TAS1R1: variants seen among roughly 807,000 people sequenced by gnomAD.
TAS1R1 encodes the protein taste receptor type 1 member 1.
In TAS1R1, 31 loss-of-function variants were observed where a neutral mutation model predicts 45.8. The ratio of observed to expected loss-of-function variants is 0.68; its 90% CI spans 0.51 to 0.91. TAS1R1 has a LOEUF of 0.91. Ranked by LOEUF, TAS1R1 falls within the 40% of genes least tolerant of loss-of-function variation. The pLI is 0.00. For synonymous variants in TAS1R1, 437 were observed against 448.4 expected, an observed-to-expected ratio of 0.97 and a Z score of 0.32; for missense variants, 1,051 against 1,063.9, an observed-to-expected ratio of 0.99 and a Z score of 0.17.
At position 6,579,099 on chromosome 1, in the gene TAS1R1, C is replaced by T. The variant is rs1431585693; in HGVS notation, c.2041C>T (p.Leu681=). ...HAWVQNHGAG[L]FVMISSAAQL... The stretch of plus-strand genomic sequence containing the variant: ...CTGGGTCCAAAACCACGGTGCTGGC[C>T]TGTTTGTGATGATCAGCTCAGCGGC... Residue 681 remains leucine, a synonymous_variant, in exon 6 of 6, where the codon CTG becomes TTG. Transcript: ENST00000333172. 4 of 1,614,198 alleles carry T rather than the reference C, an allele frequency of 2.5e-6. No individual in the cohort carries two copies. Among genetic ancestry groups the T allele is most frequent in the Non-Finnish European group, 3.4e-6 (4 of 1,180,032 alleles).
At chr1:6,564,732 T>C (rs1639846012) in intron 1 of TAS1R1, among the ~76,000 whole-genome samples, 2 of 152,166 alleles carry the variant, frequency 1.3e-5, no homozygotes, top group Non-Finnish European at 2.9e-5. Context: ...AGGGATGATA[T>C]CTGCTATAAG....
rs974402761 is a variant in TAS1R1 at position 6,570,903 on chromosome 1, C to G, written c.192-6C>G. On this transcript the variant is annotated splice_polypyrimidine_tract_variant and splice_region_variant and intron_variant, in intron 1 of 5. Transcript: ENST00000333172. Reference sequence around the variant, plus strand: ...CTCAGCTGTCTCTTACTGGCTTTCTCCACAGGTCTTGTAGCTTCAATGAGC... The same window carrying G: ...CTCAGCTGTCTCTTACTGGCTTTCTGCACAGGTCTTGTAGCTTCAATGAGC... 3.1e-6 allele frequency: 5 copies of G among 1,588,182 alleles called. No individual in the cohort carries two copies. The highest frequency in any genetic ancestry group is 4.3e-6 in the Non-Finnish European group (5 of 1,167,008).
chr1:6,578,415 C>G (rs1640246612), intron 5 of TAS1R1, among the ~76,000 whole-genome samples: 1 of 152,192 alleles, frequency 6.6e-6, no homozygotes, highest in African/African-American at 2.4e-5. Context: ...GTTTGCAAAA[C>G]CCTCATGGGA....
chr1:6,579,151 TGGTG>T lies in TAS1R1; in HGVS notation c.2095_2098del (p.Val699CysfsTer17), dbSNP rs765372339. 6.2e-7 allele frequency: 1 copy of T among 1,614,234 alleles called. No individual in the cohort carries two copies. The highest frequency in any genetic ancestry group is 8.5e-7 in the Non-Finnish European group (1 of 1,180,046). On this transcript the variant is annotated frameshift_variant, in exon 6 of 6. Coordinates refer to ENST00000333172, the MANE Select transcript of TAS1R1 (RefSeq NM_138697.4). LOFTEE classifies it low-confidence loss of function (END_TRUNC). ...CAGCTGCTTATCTGTCTAACTTGGC[TGGTG>T]GTGTGGACCCCACTGCCTGCTAGGG... is the stretch of plus-strand genomic sequence containing the variant.
In TAS1R1 at chr1:6,571,166, A is replaced by G; in HGVS notation, c.449A>G (p.Asn150Ser). The G allele has an allele frequency of 6.2e-7, 1 of 1,601,378 alleles. No homozygotes were observed. Among genetic ancestry groups the G allele is most frequent in the Non-Finnish European group, 8.5e-7 (1 of 1,172,522 alleles). Residue 150 changes from asparagine (N) to serine (S), a missense_variant, in exon 2 of 6, where the codon AAC becomes AGC. Transcript: ENST00000333172. The stretch of plus-strand genomic sequence containing the variant: ...GCAGTGATTGGGCCTGACAGCACCA[A>G]CCGTGCTGCCACCACAGCCGCCCTG... The part of the protein sequence containing the change: ...VLAVIGPDST[N>S]RAATTAALLS...
Position 6,555,576 on chromosome 1 carries a change from G to A in TAS1R1, c.191+12G>A, listed in dbSNP as rs771967973. ...ACCCTGTGTGACAGGTGAGTGAGGG[G>A]CCAGCAGAGCCACACTTAGTGGGAC... On this transcript the variant is annotated intron_variant, in intron 1 of 5. Transcript: ENST00000333172. 15 of 1,540,756 alleles carry A rather than the reference G, an allele frequency of 9.7e-6. No individual in the cohort carries two copies. Among genetic ancestry groups the A allele is most frequent in the African/African-American group, 2.7e-5 (2 of 72,910 alleles).
intron 1 of TAS1R1, among the ~76,000 whole-genome samples, chr1:6,556,650 C>T (rs1257386181): frequency 2.0e-5 from 3 of 151,964 alleles, no homozygotes; most frequent in African/African-American, 7.2e-5. Flanking sequence ...GATCCGCCCA[C>T]CTCGGCCTCC....
chr1:6,572,213 C>A (rs1640036164), intron 2 of TAS1R1, among the ~76,000 whole-genome samples: 1 of 151,732 alleles, frequency 6.6e-6, no homozygotes, highest in Non-Finnish European at 1.5e-5. Context: ...GGGGCACCTT[C>A]TAGGTATCCA....
rs746612165 is a variant in TAS1R1, at chr1:6,578,814, G to T, written c.1756G>T (p.Gly586Cys). 2.5e-6 allele frequency: 4 copies of T among 1,613,772 alleles called. No homozygotes were observed. Among genetic ancestry groups the T allele is most frequent in the Non-Finnish European group, 2.5e-6 (3 of 1,179,786 alleles). ...LLLLLLLGTA[G>C]LFAWHLDTPV... ...GCTGCTGCTGCTGCTTGGGACTGCT[G>T]GCCTGTTTGCCTGGCACCTAGACAC... The change falls in exon 6 of 6, where the codon GGC (glycine) becomes TGC (cysteine). Residue 586 changes from glycine (G) to cysteine (C), a missense_variant. By Grantham distance (159) the Gly-to-Cys change is radical (BLOSUM62 -3). Coordinates refer to ENST00000333172, the MANE Select transcript of TAS1R1 (RefSeq NM_138697.4).
chr1:6,567,922 G>T (rs1289845926), intron 1 of TAS1R1, among the ~76,000 whole-genome samples: 1 of 152,104 alleles, frequency 6.6e-6, no homozygotes, highest in African/African-American at 2.4e-5. Flanking sequence ...TACTGCTATC[G>T]GGTCTTTTGT....
chr1:6,556,401 A>ATCTG (rs1639685344), intron 1 of TAS1R1, among the ~76,000 whole-genome samples: 1 of 150,808 alleles, frequency 6.6e-6, no homozygotes, highest in African/African-American at 2.4e-5. Context: ...CTATCTATCT[A>ATCTG]TCTATCTATA....
intron 1 of TAS1R1, among the ~76,000 whole-genome samples, chr1:6,569,690 A>G (rs1426031359): frequency 6.6e-6 from 1 of 152,122 alleles, no homozygotes; most frequent in African/African-American, 2.4e-5. Context: ...GTGTCCCGCA[A>G]GCCCTGTCTG....
chr1:6,567,103 G>T (rs188484131), intron 1 of TAS1R1, among the ~76,000 whole-genome samples: 1 of 152,290 alleles, frequency 6.6e-6, no homozygotes, highest in Admixed American at 6.5e-5. Context: ...TCTCAGCCTA[G>T]AATGGGGATG....
intron 1 of TAS1R1, among the ~76,000 whole-genome samples, chr1:6,557,739 A>G (rs1344693437): frequency 6.6e-6 from 1 of 152,128 alleles, no homozygotes; most frequent in African/African-American, 2.4e-5. Flanking sequence ...CAGCCATTAC[A>G]AAAAAGTTTT....
chr1:6,575,220 T>G lies in TAS1R1; in HGVS notation c.1088T>G (p.Leu363Arg). 1 of 1,613,432 alleles carries G rather than the reference T, an allele frequency of 6.2e-7. No homozygotes were observed. Among genetic ancestry groups the G allele is most frequent in the Middle Eastern group, 1.7e-4 (1 of 6,058 alleles). ...GGCTCCTGGTGCAGCAGCAATCAGC[T>G]CTGCAGAGAATGCCAAGCTTTCATG... is the stretch of plus-strand genomic sequence containing the variant. ...HKGSWCSSNQ[L>R]CRECQAFMAH... Residue 363 changes from leucine (L) to arginine (R), a missense_variant, in exon 3 of 6, where the codon CTC (leucine) becomes CGC (arginine). Leu to Arg is a moderately radical substitution (Grantham distance 102, BLOSUM62 -2). Coordinates refer to ENST00000333172, the MANE Select transcript of TAS1R1 (RefSeq NM_138697.4).
intron 3 of TAS1R1, among the ~76,000 whole-genome samples, chr1:6,576,166 A>C (rs948864517): frequency 2.0e-5 from 3 of 152,070 alleles, no homozygotes. Context: ...TCTCTCACCC[A>C]CTGTGTCTTG....
At position 6,579,704 on chromosome 1, in the gene TAS1R1, C is replaced by T; in HGVS notation, c.*120C>T. 5 of 1,359,452 alleles carry T rather than the reference C, an allele frequency of 3.7e-6. No homozygotes were observed. The highest frequency in any genetic ancestry group is 1.5e-5 in the South Asian group (1 of 68,456). 84.2% of individuals were successfully genotyped at this position (1,359,452 alleles called of 1,614,324 possible). Reference sequence around the variant, plus strand: ...GGTCTGGGGTTGGGACGTGTAAGCGCCTGGGAGAGCCTAGACCAGGCTCCG... The same window carrying T: ...GGTCTGGGGTTGGGACGTGTAAGCGTCTGGGAGAGCCTAGACCAGGCTCCG... On this transcript the variant is annotated 3_prime_UTR_variant, in exon 6 of 6. Coordinates refer to ENST00000333172, the MANE Select transcript of TAS1R1 (RefSeq NM_138697.4).
intron 1 of TAS1R1, among the ~76,000 whole-genome samples, chr1:6,563,501 A>G (rs1639822916): frequency 6.6e-6 from 1 of 152,202 alleles, no homozygotes; most frequent in Non-Finnish European, 1.5e-5. Context: ...GCATGTCTAA[A>G]AGTTGTAAGG....
intron 1 of TAS1R1, among the ~76,000 whole-genome samples, chr1:6,564,242 T>G (rs1161932078): frequency 6.6e-6 from 1 of 152,110 alleles, no homozygotes; most frequent in Non-Finnish European, 1.5e-5. Flanking sequence ...GACCTGGGGC[T>G]GGTTGGGTTA....
Sources: allele counts gnomAD v4.1 joint callset (sites outside exome capture counted in the v4.1 genomes callset), GRCh38; gene constraint gnomAD v4.1.1; transcripts MANE v1.5; gene names NCBI Gene and HGNC (gene_info 2026-07-23, HGNC 2026-07-21).